The following TMEM245 variants were observed in gnomAD, a reference collection of about 807,000 sequenced individuals.
TMEM245 encodes transmembrane protein 245.
Under a neutral mutation model 101.2 loss-of-function variants are expected in TMEM245, and 69 were observed. That is an observed-to-expected ratio of 0.68 (90% confidence interval 0.56 to 0.83). The LOEUF is 0.83. TMEM245 is among the 40% of genes least tolerant of loss of function. TMEM245 has a pLI of 0.00. For synonymous variants in TMEM245, 537 were observed against 449.8 expected (o/e 1.19, Z -2.45); for missense variants, 1,075 against 1,092.8 (o/e 0.98, Z 0.23).
chr9:109,105,108 AG>A (rs1276073055), intron 3 of TMEM245, among the ~76,000 whole-genome samples: 5 of 152,224 alleles, frequency 3.3e-5, no homozygotes, highest in Non-Finnish European at 5.9e-5. Context: ...ATATTTGATA[AG>A]GGTCTAGTAT....
chr9:109,025,686 G>A (rs182564743), intron 17 of TMEM245, among the ~76,000 whole-genome samples: 27 of 152,300 alleles, frequency 1.8e-4, no homozygotes, highest in African/African-American at 6.3e-4. Flanking sequence ...ATCAAAGCAA[G>A]TCTGATTATC....
chr9:109,078,692 C>G (rs1413861981), intron 8 of TMEM245, among the ~76,000 whole-genome samples: 1 of 152,148 alleles, frequency 6.6e-6, no homozygotes. Flanking sequence ...TGTCTTTCGG[C>G]AGTTTGACTA....
In TMEM245 at chr9:109,040,235, T is replaced by C. The variant is rs1828262325; in HGVS notation, c.2124-2118A>G. ...CATTACTTGTGATCTGGCACACAAG[T>C]TTTATAAATAAAACAGCAGAGAAAA... On this transcript the variant is annotated intron_variant, in intron 14 of 17. Transcript: ENST00000374586. 3.3e-5 allele frequency among the ~76,000 whole-genome samples: 5 copies of C among 152,154 alleles called. No individual in the cohort carries two copies. The South Asian group carries it at 1.0e-3, about 32-fold the overall frequency.
intron 16 of TMEM245, among the ~76,000 whole-genome samples, chr9:109,035,580 T>C (rs1200565472): frequency 6.6e-6 from 1 of 152,110 alleles, no homozygotes; most frequent in Non-Finnish European, 1.5e-5. Context: ...TCCTCAGACA[T>C]ACAATCTAAC....
At chr9:109,060,302 A>G (rs1828970855) in intron 11 of TMEM245, 52 bp downstream of exon 11, 4 of 1,341,760 alleles carry the variant, frequency 3.0e-6, no homozygotes, top group Admixed American at 2.0e-5. Context: ...TGATGAGTCA[A>G]TAAAAGGACT....
rs1274839942 is a variant in TMEM245 at position 109,087,214 on chromosome 9, T to C, written c.1279A>G (p.Ile427Val). Residue 427 changes from isoleucine to valine, a missense_variant, in exon 6 of 18, where the codon ATT becomes GTT. Physicochemically the swap from Ile to Val is conservative, Grantham distance 29. Coordinates refer to ENST00000374586, the MANE Select transcript of TMEM245 (RefSeq NM_032012.4). ...AACAAGAATTTTCCAAGCCCGACAA[T>C]GGGCCAAGGCGCGAGAGCTCCCTGC... ...ERQGALAPWP[I>V]VGLGKFLLKV... is the part of the protein sequence containing the mutation. The C allele has an allele frequency of 1.2e-6, 2 of 1,612,446 alleles. No individual in the cohort carries two copies.
intron 12 of TMEM245, among the ~76,000 whole-genome samples, chr9:109,051,335 C>T (rs1420653157): frequency 3.3e-5 from 5 of 151,120 alleles, no homozygotes; most frequent in Admixed American, 3.3e-4. Flanking sequence ...CACACACACA[C>T]ACACATCATT....
At chr9:109,044,735 C>A (rs1316601296) in intron 14 of TMEM245, among the ~76,000 whole-genome samples, 1 of 151,616 alleles carries the variant, frequency 6.6e-6, no homozygotes. Context: ...ATTGGCATAT[C>A]CATCATCTTG....
intron 2 of TMEM245, among the ~76,000 whole-genome samples, chr9:109,107,153 T>A (rs1448404431): frequency 6.6e-6 from 1 of 151,798 alleles, no homozygotes; most frequent in Non-Finnish European, 1.5e-5. Flanking sequence ...TTTGGGGGGC[T>A]GAGGCAGGTG....
chr9:109,083,241 A>C (rs1198826617), intron 7 of TMEM245, among the ~76,000 whole-genome samples: 1 of 152,162 alleles, frequency 6.6e-6, no homozygotes, highest in African/African-American at 2.4e-5. Context: ...GAATAGAAAA[A>C]GACTCACAAA....
intron 4 of TMEM245, 55 bp from the exon 5 acceptor site, chr9:109,091,210 G>C (rs974515563): frequency 1.4e-6 from 2 of 1,466,452 alleles, no homozygotes; most frequent in Admixed American, 1.9e-5. Context: ...GAGGAAATGG[G>C]AATACAGAGC....
At chr9:109,115,340 G>A (rs996848842) in intron 1 of TMEM245, among the ~76,000 whole-genome samples, 9 of 151,434 alleles carry the variant, frequency 5.9e-5, no homozygotes, top group East Asian at 3.9e-4. Flanking sequence ...GCAAAACTCC[G>A]TCTCAAAATA....
chr9:109,105,839 C>T (rs1158789136), intron 3 of TMEM245, among the ~76,000 whole-genome samples: 2 of 151,976 alleles, frequency 1.3e-5, no homozygotes, highest in Non-Finnish European at 2.9e-5. Context: ...GGTGCGATCT[C>T]GGCTCTCACT....
chr9:109,018,717 G>A lies in TMEM245; in HGVS notation c.*1743C>T, dbSNP rs930541958. The A allele has an allele frequency of 7.9e-5, 12 of 151,310 alleles. No homozygotes were observed. Among genetic ancestry groups the A allele is most frequent in the Admixed American group, 2.6e-4 (4 of 15,108 alleles). 9.4% of individuals were successfully genotyped at this position (151,310 alleles called of 1,614,324 possible). A position where few individuals can be genotyped will look rare whatever the true frequency, so the allele number is the denominator to read the frequency against. ...ACTTTCCAAAAAGGAAATCTTCAAC[G>A]CTTAAGAACTACCCCCCAACACTTT... On this transcript the variant is annotated 3_prime_UTR_variant, in exon 18 of 18. Coordinates refer to ENST00000374586, the MANE Select transcript of TMEM245 (RefSeq NM_032012.4).
At chr9:109,027,275 C>A (rs1827818469) in intron 17 of TMEM245, among the ~76,000 whole-genome samples, 1 of 152,080 alleles carries the variant, frequency 6.6e-6, no homozygotes, top group Non-Finnish European at 1.5e-5. Flanking sequence ...GATATCCTCA[C>A]CCCACCTCCC....
chr9:109,061,273 G>A (rs963082269), intron 10 of TMEM245, among the ~76,000 whole-genome samples: 10 of 152,088 alleles, frequency 6.6e-5, no homozygotes, highest in African/African-American at 2.2e-4. Flanking sequence ...CCGTGATCAC[G>A]CCAACATGCT....
chr9:109,049,802 C>CA (rs1006318844), intron 14 of TMEM245, among the ~76,000 whole-genome samples: 1 of 152,012 alleles, frequency 6.6e-6, no homozygotes, highest in Admixed American at 6.6e-5. Flanking sequence ...AATCCATCTC[C>CA]AAAAAACAAA....
intron 1 of TMEM245, among the ~76,000 whole-genome samples, chr9:109,115,291 C>T (rs1041211004): frequency 6.6e-6 from 1 of 151,980 alleles, no homozygotes; most frequent in African/African-American, 2.4e-5. Flanking sequence ...TTGCAGTGAG[C>T]TGAGATCACA....
At chr9:109,119,082 G>A (rs1033559949) in intron 1 of TMEM245, among the ~76,000 whole-genome samples, 4 of 152,254 alleles carry the variant, frequency 2.6e-5, no homozygotes, top group Non-Finnish European at 5.9e-5. Context: ...CCAGGGCACT[G>A]TCCCCCTAAG....
Sources: gnomAD v4.1 joint callset for allele counts (sites outside exome capture counted in the v4.1 genomes callset) on GRCh38, gnomAD v4.1.1 for gene constraint, MANE v1.5 for transcripts, NCBI Gene and HGNC (gene_info 2026-07-23, HGNC 2026-07-21) for gene names.